NKIRAS1: variants seen among roughly 807,000 people sequenced by gnomAD.
The protein encoded by NKIRAS1 is NFKB inhibitor interacting Ras like 1.
NKIRAS1 carries 16 observed loss-of-function variants against 19.8 expected under a neutral mutation model. That is an observed-to-expected ratio of 0.81 (90% CI 0.55 to 1.23). NKIRAS1 has a LOEUF of 1.23. Among genes scored for constraint, NKIRAS1 ranks in the 50% most tolerant of loss-of-function variants. The pLI, the probability that NKIRAS1 is intolerant of heterozygous loss-of-function variation, is 0.00. For missense variants in NKIRAS1, 184 were observed against 220.0 expected (o/e 0.84, Z 1.04); for synonymous variants, 88 against 79.0 (o/e 1.11, Z -0.61).
chr3:23,895,658 C>T (rs1167311825), intron 4 of NKIRAS1, among the ~76,000 whole-genome samples: 1 of 152,190 alleles, frequency 6.6e-6, no homozygotes, highest in Non-Finnish European at 1.5e-5. Context: ...CCTGCTGGCC[C>T]AGATCATACC....
chr3:23,940,517 A>AC (rs1384541428), intron 1 of NKIRAS1, among the ~76,000 whole-genome samples: 1 of 152,174 alleles, frequency 6.6e-6, no homozygotes, highest in Non-Finnish European at 1.5e-5. Context: ...TTGCCCATAA[A>AC]CACATCACTG....
chr3:23,942,244 G>A (rs1559517842), intron 1 of NKIRAS1, among the ~76,000 whole-genome samples: 1 of 152,092 alleles, frequency 6.6e-6, no homozygotes, highest in Non-Finnish European at 1.5e-5. Flanking sequence ...CTCTCAAAGT[G>A]CTGGGATTAC....
At chr3:23,938,617 A>G (rs1705439404) in intron 1 of NKIRAS1, among the ~76,000 whole-genome samples, 1 of 152,204 alleles carries the variant, frequency 6.6e-6, no homozygotes, top group Non-Finnish European at 1.5e-5. Context: ...TTGCAAGAAT[A>G]TATTCCATCT....
At chr3:23,920,371 C>A, upstream of NKIRAS1, 1 of 985,458 alleles carries the variant, frequency 1.0e-6, no homozygotes, top group Non-Finnish European at 1.2e-6. Flanking sequence ...GAAAAAGTCA[C>A]AAGCGCATGG....
At position 23,911,240 on chromosome 3, in the gene NKIRAS1, G is replaced by C. The variant is rs562295625; in HGVS notation, c.-18+89C>G. On this transcript the variant is annotated intron_variant, in intron 2 of 4. Coordinates refer to ENST00000425478, the MANE Select transcript of NKIRAS1 (RefSeq NM_020345.4). ...AGTCCAAGGCGGGTGGATCACCTGA[G>C]GTCAAGAGTTCGGCACCAGCCTGGC... is the stretch of plus-strand genomic sequence containing the variant. The C allele has an allele frequency of 2.4e-5, 5 of 207,190 alleles. No homozygotes were observed. In the South Asian group the frequency reaches 3.8e-4, roughly 16 times the overall value. 12.8% of individuals were successfully genotyped at this position (207,190 alleles called of 1,614,324 possible).
intron 4 of NKIRAS1, among the ~76,000 whole-genome samples, chr3:23,896,149 A>C (rs1292376205): frequency 6.6e-6 from 1 of 150,728 alleles, no homozygotes; most frequent in East Asian, 1.9e-4. Context: ...AAAAAAAAAA[A>C]AAAAAAACTT....
intron 4 of NKIRAS1, among the ~76,000 whole-genome samples, chr3:23,896,716 G>A (rs1007706865): frequency 6.6e-6 from 1 of 151,888 alleles, no homozygotes; most frequent in Non-Finnish European, 1.5e-5. Flanking sequence ...GCTCACACCT[G>A]TAATCCCAAC....
chr3:23,945,495 G>GGGCGGCGCGGCGCTGAGGC (rs1705630913), intron 1 of NKIRAS1: 5 of 873,488 alleles, frequency 5.7e-6, no homozygotes, highest in Non-Finnish European at 7.1e-6. Context: ...TTCCAGCCCG[G>GGGCGGCGCGGCGCTGAGGC]GGCGGCGCGG....
At chr3:23,905,389 T>C (rs533120084) in intron 3 of NKIRAS1, among the ~76,000 whole-genome samples, 1 of 152,250 alleles carries the variant, frequency 6.6e-6, no homozygotes, top group Non-Finnish European at 1.5e-5. Context: ...GTTTGTCTTA[T>C]AATTATTAAA....
In NKIRAS1 at chr3:23,891,977, T is replaced by C. The variant is rs34974423; in HGVS notation, c.*1118A>G. Reference sequence around the variant, plus strand: ...TATGATGAGAAATTTTGAAGAATTATACTGTAGCAGCAATAGCTGATTTGT... The same window carrying C: ...TATGATGAGAAATTTTGAAGAATTACACTGTAGCAGCAATAGCTGATTTGT... On this transcript the variant is annotated 3_prime_UTR_variant, in exon 5 of 5. Transcript: ENST00000425478. 9 of 152,342 alleles carry C rather than the reference T, an allele frequency of 5.9e-5. No individual in the cohort carries two copies. The highest frequency in any genetic ancestry group is 1.2e-4 in the Non-Finnish European group (8 of 68,016). 9.4% of individuals were successfully genotyped at this position (152,342 alleles called of 1,614,324 possible). A position where few individuals can be genotyped will look rare whatever the true frequency, so the allele number is the denominator to read the frequency against.
In NKIRAS1 at chr3:23,922,526, T is replaced by G. The variant is rs1194900658; in HGVS notation, c.-139-11076A>C. The stretch of plus-strand genomic sequence containing the variant: ...CCTCAGCCTCCCGAGTAGCTGGGAC[T>G]ACAGGCACGCACCACCACACCCAGC... On this transcript the variant is annotated intron_variant, in intron 1 of 4. Transcript: ENST00000421515. The surrounding 1 kb of genome is among the most constrained non-coding windows in gnomAD (Gnocchi z 4.2). The G allele has an allele frequency of 6.6e-6, 1 of 152,226 alleles. No individual in the cohort carries two copies. The highest frequency in any genetic ancestry group is 1.5e-5 in the Non-Finnish European group (1 of 68,158). The allele number at this position is 152,226 out of a possible 1,614,324, so 9.4% of individuals were successfully genotyped here. A position where few individuals can be genotyped will look rare whatever the true frequency, so the allele number is the denominator to read the frequency against.
At chr3:23,895,638 A>T (rs1350902041) in intron 4 of NKIRAS1, among the ~76,000 whole-genome samples, 1 of 152,182 alleles carries the variant, frequency 6.6e-6, no homozygotes, top group Non-Finnish European at 1.5e-5. Flanking sequence ...GCTGGAGAAA[A>T]ACATACAACC....
At position 23,892,026 on chromosome 3, in the gene NKIRAS1, AGTT is replaced by A. The variant is rs1559499011; in HGVS notation, c.*1066_*1068del. 6.6e-6 allele frequency: 1 copy of A among 152,212 alleles called. No homozygotes were observed. The highest frequency in any genetic ancestry group is 1.5e-5 in the Non-Finnish European group (1 of 68,038). 9.4% of individuals were successfully genotyped at this position (152,212 alleles called of 1,614,324 possible). A position where few individuals can be genotyped will look rare whatever the true frequency, so the allele number is the denominator to read the frequency against. ...GTAAGTATCGTCTTTTATATGTAGT[AGTT>A]CTTCACTAGAGCTCATGAAAAAAGT... On this transcript the variant is annotated 3_prime_UTR_variant, in exon 5 of 5. Transcript: ENST00000425478.
At chr3:23,912,695 A>G (rs944443668) in intron 1 of NKIRAS1, among the ~76,000 whole-genome samples, 2 of 152,224 alleles carry the variant, frequency 1.3e-5, no homozygotes, top group African/African-American at 2.4e-5. Flanking sequence ...TACTGGGTAT[A>G]TACCCAAAGG....
intron 4 of NKIRAS1, among the ~76,000 whole-genome samples, chr3:23,897,960 T>C (rs763911501): frequency 1.8e-4 from 27 of 152,300 alleles, no homozygotes; most frequent in Admixed American, 1.7e-3. Flanking sequence ...ATTATGGGGA[T>C]TGAAGAAGCA....
rs572521701 is a variant in NKIRAS1 at position 23,944,081 on chromosome 3, CAA to C, written c.-140+2240_-140+2241del. Among the ~76,000 whole-genome samples, 94 of 152,250 alleles carry C rather than the reference CAA, an allele frequency of 6.2e-4. 1 individual carries two copies. Among genetic ancestry groups the C allele is most frequent in the African/African-American group, 2.2e-3 (92 of 41,540 alleles). Reference sequence around the variant, plus strand: ...AGATAATGGTTTGCTCTAGCAATACCAACGGTGAGAAACAGGGATTGAACATA... The same window carrying C: ...AGATAATGGTTTGCTCTAGCAATACCCGGTGAGAAACAGGGATTGAACATA... On this transcript the variant is annotated intron_variant, in intron 1 of 4. Transcript: ENST00000421515.
At chr3:23,900,578 T>G (rs1702421995) in intron 4 of NKIRAS1, among the ~76,000 whole-genome samples, 1 of 144,484 alleles carries the variant, frequency 6.9e-6, no homozygotes, top group South Asian at 2.1e-4. Context: ...GAGGTTGCAG[T>G]GAGCCAAGAT....
At chr3:23,938,168 G>T (rs1177370891) in intron 1 of NKIRAS1, among the ~76,000 whole-genome samples, 6 of 151,248 alleles carry the variant, frequency 4.0e-5, no homozygotes, top group African/African-American at 1.5e-4. Context: ...AATACTTCCA[G>T]GGTGGAGAGG....
At chr3:23,900,740 C>T (rs1702447502) in intron 4 of NKIRAS1, 68 bp downstream of exon 4, 3 of 1,268,966 alleles carry the variant, frequency 2.4e-6, no homozygotes, top group Non-Finnish European at 3.4e-6. Context: ...ATAAACTACC[C>T]AAAAGTCTGT....
Sources: gnomAD v4.1 joint callset for allele counts (sites outside exome capture counted in the v4.1 genomes callset) on GRCh38, gnomAD v4.1.1 for gene constraint, Gnocchi (gnomAD v3.1) non-coding constraint, MANE v1.5 for transcripts, NCBI Gene and HGNC (gene_info 2026-07-23, HGNC 2026-07-21) for gene names.